SMCHD1: variants seen among roughly 807,000 people sequenced by gnomAD.
SMCHD1 encodes the protein structural maintenance of chromosomes flexible hinge domain-containing protein 1.
SMCHD1 carries 78 observed loss-of-function variants against 254.7 expected under a neutral mutation model. That is an observed-to-expected ratio of 0.31 (90% confidence interval 0.26 to 0.37). The LOEUF (loss-of-function observed/expected upper bound fraction) is 0.37, where lower values mean the gene tolerates loss of function less well. SMCHD1 is among the 10% of genes least tolerant of loss of function. The pLI is 1.00. For synonymous variants in SMCHD1, 766 were observed against 794.9 expected (o/e 0.96, Z 0.61); for missense variants, 1,840 against 2,408.1 (o/e 0.76, Z 4.94).
rs550621654 is a variant in SMCHD1 at position 2,686,624 on chromosome 18, GTGTT to G, written c.639-1766_639-1763del. On this transcript the variant is annotated intron_variant, in intron 5 of 47. Coordinates refer to ENST00000320876, the MANE Select transcript of SMCHD1 (RefSeq NM_015295.3). ...GTGTGTTTCTGTTGAAAGTAGTTGT[GTGTT>G]TGTGTATTGTGTGAGGTGTTTTGTA... Among the ~76,000 whole-genome samples the G allele has an allele frequency of 5.4e-3, 820 of 152,102 alleles. 5 individuals carry two copies. Among genetic ancestry groups the G allele is most frequent in the Non-Finnish European group, 8.4e-3 (571 of 67,992 alleles).
intron 39 of SMCHD1, among the ~76,000 whole-genome samples, chr18:2,771,090 A>G (rs570368843): frequency 5.3e-4 from 80 of 152,312 alleles, no homozygotes; most frequent in Middle Eastern, 6.8e-3. Flanking sequence ...CGCTTGCCTC[A>G]AAGTACTCAC....
chr18:2,675,155 G>A (rs1156747968), intron 5 of SMCHD1, among the ~76,000 whole-genome samples: 1 of 151,562 alleles, frequency 6.6e-6, no homozygotes, highest in East Asian at 1.9e-4. Flanking sequence ...AAGTGAGTTA[G>A]TACATGTAAA....
At chr18:2,788,708 T>G (rs1366631995) in intron 45 of SMCHD1, among the ~76,000 whole-genome samples, 1 of 152,082 alleles carries the variant, frequency 6.6e-6, no homozygotes, top group African/African-American at 2.4e-5. Context: ...CAAGTGATTC[T>G]TGTGCTTCAG....
intron 45 of SMCHD1, among the ~76,000 whole-genome samples, chr18:2,786,854 C>T (rs779545422): frequency 2.0e-5 from 3 of 152,060 alleles, no homozygotes; most frequent in Admixed American, 6.5e-5. Context: ...TTGTGCGGTG[C>T]GTACTTTTTT....
In SMCHD1 at chr18:2,802,610, T is replaced by G. The variant is rs549449841; in HGVS notation, c.*58T>G. 1 of 1,480,574 alleles carries G rather than the reference T, an allele frequency of 6.8e-7. No individual in the cohort carries two copies. The highest frequency in any genetic ancestry group is 1.4e-5 in the African/African-American group (1 of 70,400). The allele number at this position is 1,480,574 out of a possible 1,614,324, so 91.7% of individuals were successfully genotyped here. On this transcript the variant is annotated 3_prime_UTR_variant, in exon 48 of 48. Coordinates refer to ENST00000320876, the MANE Select transcript of SMCHD1 (RefSeq NM_015295.3). ...GTAAGAATGCCCTGCTTTCTGCATCTCTGTTTCAGAAGACCAAGAGGGTGA... is the reference window on the plus strand; with the variant it reads ...GTAAGAATGCCCTGCTTTCTGCATCGCTGTTTCAGAAGACCAAGAGGGTGA...
rs1283151340 is a variant in SMCHD1, at chr18:2,718,888, G to A, written c.2458+454G>A. ...TTCAAATAGCTTTGTAAGTCTACTC[G>A]ATAATCATATTCCTTCTGAATTTTG... On this transcript the variant is annotated intron_variant, in intron 19 of 47. Coordinates refer to ENST00000320876, the MANE Select transcript of SMCHD1 (RefSeq NM_015295.3). This position sits in a 1 kb window ranked among gnomAD's most constrained non-coding sequence, Gnocchi z 4.6. Among the ~76,000 whole-genome samples, 3 of 151,876 alleles carry A rather than the reference G, an allele frequency of 2.0e-5. No individual in the cohort carries two copies. The highest frequency in any genetic ancestry group is 2.9e-5 in the Non-Finnish European group (2 of 67,950).
At chr18:2,783,981 A>G (rs989858067) in intron 44 of SMCHD1, among the ~76,000 whole-genome samples, 1 of 152,116 alleles carries the variant, frequency 6.6e-6, no homozygotes, top group East Asian at 1.9e-4. Flanking sequence ...TTATCTTCCC[A>G]TACCTAAAAC....
intron 34 of SMCHD1, among the ~76,000 whole-genome samples, chr18:2,756,338 T>A (rs1017973554): frequency 6.6e-6 from 1 of 152,202 alleles, no homozygotes; most frequent in Non-Finnish European, 1.5e-5. Context: ...TCTTACACAT[T>A]CTTAGTTTGC....
chr18:2,788,496 T>C (rs1384843060), intron 45 of SMCHD1, among the ~76,000 whole-genome samples: 1 of 152,212 alleles, frequency 6.6e-6, no homozygotes, highest in Non-Finnish European at 1.5e-5. Context: ...ATTGGGATAA[T>C]TTTCTCCATT....
intron 34 of SMCHD1, among the ~76,000 whole-genome samples, chr18:2,756,426 G>C (rs1430698551): frequency 1.3e-5 from 2 of 152,134 alleles, no homozygotes; most frequent in Admixed American, 6.5e-5. Context: ...AGAATCTTAA[G>C]AGTGTTATTC....
chr18:2,781,343 T>C (rs976348479), intron 44 of SMCHD1, among the ~76,000 whole-genome samples: 14 of 152,372 alleles, frequency 9.2e-5, no homozygotes, highest in African/African-American at 3.1e-4. Context: ...TAATATCTGT[T>C]TGCAATGTGT....
chr18:2,658,092 A>T (rs538074012), intron 1 of SMCHD1, among the ~76,000 whole-genome samples: 7 of 152,278 alleles, frequency 4.6e-5, no homozygotes, highest in Admixed American at 3.9e-4. Flanking sequence ...CAGTGGAAAA[A>T]CATCTTTGAA....
rs534356970 is a variant in SMCHD1, at chr18:2,661,254, G to A, written c.187-4903G>A. On this transcript the variant is annotated intron_variant, in intron 1 of 47. Coordinates refer to ENST00000320876, the MANE Select transcript of SMCHD1 (RefSeq NM_015295.3). ...GTGGGGCTTAAATCCTAGATGACAG[G>A]TTGATAGGTGTGGCAAACCACCATG... 2.6e-5 allele frequency among the ~76,000 whole-genome samples: 4 copies of A among 152,118 alleles called. No individual in the cohort carries two copies. In the East Asian group the frequency reaches 5.8e-4, roughly 22 times the overall value.
chr18:2,693,644 T>G (rs1228735952), intron 7 of SMCHD1, among the ~76,000 whole-genome samples: 3 of 152,088 alleles, frequency 2.0e-5, no homozygotes, highest in Non-Finnish European at 4.4e-5. Context: ...GTTTGTTTGT[T>G]TGTTTGTTTT....
chr18:2,708,867 CATATATATATATATATATATATAT>C lies in SMCHD1; in HGVS notation c.2260+965_2260+988del, dbSNP rs763226355. On this transcript the variant is annotated intron_variant, in intron 17 of 47. Coordinates refer to ENST00000320876, the MANE Select transcript of SMCHD1 (RefSeq NM_015295.3). ...TCCCTGCTTCTATTTTCAATAACTTCATATATATATATATATATATATATATATATATATATATATAACATATTA... is the reference window on the plus strand; with the variant it reads ...TCCCTGCTTCTATTTTCAATAACTTCATATATATATATATATAACATATTA... 8.4e-4 allele frequency among the ~76,000 whole-genome samples: 7 copies of C among 8,292 alleles called. 1 individual carries two copies. The highest frequency in any genetic ancestry group is 0.1 in the Middle Eastern group (1 of 10). 5.4% of individuals were successfully genotyped at this position (8,292 alleles called of 152,430 possible).
At chr18:2,787,543 TA>T (rs1598448046) in intron 45 of SMCHD1, among the ~76,000 whole-genome samples, 2 of 152,270 alleles carry the variant, frequency 1.3e-5, no homozygotes, top group Middle Eastern at 3.4e-3. Flanking sequence ...AAGAAACTGA[TA>T]AGAAATCAGA....
At chr18:2,679,480 C>CAAAAAAAAAAAAAAAAAAAAAAAAA (rs59034633) in intron 5 of SMCHD1, among the ~76,000 whole-genome samples, 2 of 58,696 alleles carry the variant, frequency 3.4e-5, no homozygotes, top group African/African-American at 8.5e-5. Context: ...ACTCCATCTC[C>CAAAAAAAAAAAAAAAAAAAAAAAAA]AAAAAAAAAA....
intron 1 of SMCHD1, among the ~76,000 whole-genome samples, chr18:2,660,525 G>A (rs2073219059): frequency 6.9e-6 from 1 of 144,652 alleles, no homozygotes; most frequent in Non-Finnish European, 1.5e-5. Context: ...CCAGGCTGGA[G>A]TGCAGTGGCG....
At chr18:2,777,087 T>C (rs998644268) in intron 42 of SMCHD1, among the ~76,000 whole-genome samples, 1 of 142,716 alleles carries the variant, frequency 7.0e-6, no homozygotes, top group Non-Finnish European at 1.5e-5. Context: ...CTAATACTTT[T>C]TGTGAGAAGA....
Sources: allele counts gnomAD v4.1 joint callset (sites outside exome capture counted in the v4.1 genomes callset), GRCh38; gene constraint gnomAD v4.1.1; non-coding constraint Gnocchi (gnomAD v3.1); transcripts MANE v1.5; gene names NCBI Gene and HGNC (gene_info 2026-07-23, HGNC 2026-07-21).